The following CHST12 variants were observed in gnomAD, a reference collection of about 807,000 sequenced individuals.
CHST12 encodes the protein carbohydrate (chondroitin 4) sulfotransferase 12.
A neutral mutation model predicts 27.9 loss-of-function variants in CHST12; 23 were observed. The ratio of observed to expected loss-of-function variants is 0.82; its 90% CI spans 0.59 to 1.17. The LOEUF is 1.17. Ranked by LOEUF, CHST12 falls within the 50% of genes most tolerant of loss-of-function variation. CHST12 has a pLI of 0.00. For missense variants in CHST12, 682 were observed against 603.0 expected (o/e 1.13, Z -1.37); for synonymous variants, 322 against 273.0 (o/e 1.18, Z -1.77).
rs912721600 is a variant in CHST12 at position 2,438,041 on chromosome 7, T to C, written c.*4157T>C. On this transcript the variant is annotated 3_prime_UTR_variant, in exon 2 of 2. Transcript: ENST00000618655. ...CCATCTGAGCTGGAAGCTGTGGACA[T>C]GGTCCTTGTGTGGGTCCAAGCAAAG... 2.0e-5 allele frequency: 3 copies of C among 152,310 alleles called. No homozygotes were observed. Among genetic ancestry groups the C allele is most frequent in the Non-Finnish European group, 4.4e-5 (3 of 68,112 alleles). 9.4% of individuals were successfully genotyped at this position (152,310 alleles called of 1,614,324 possible).
rs974418280 is a variant in CHST12, at chr7:2,436,624, A to G, written c.*2740A>G. Reference sequence around the variant, plus strand: ...AGGGCTTGTTTTCCGTATTCTGGGCATGGCCCTTTGTGTCTGCCTTTGCTG... The same window carrying G: ...AGGGCTTGTTTTCCGTATTCTGGGCGTGGCCCTTTGTGTCTGCCTTTGCTG... On this transcript the variant is annotated 3_prime_UTR_variant, in exon 2 of 2. Transcript: ENST00000618655. 2 of 152,250 alleles carry G rather than the reference A, an allele frequency of 1.3e-5. No homozygotes were observed. Among genetic ancestry groups the G allele is most frequent in the African/African-American group, 4.8e-5 (2 of 41,436 alleles). 9.4% of individuals were successfully genotyped at this position (152,250 alleles called of 1,614,324 possible).
intron 1 of CHST12, among the ~76,000 whole-genome samples, chr7:2,419,226 TGG>T (rs1446506820): frequency 6.6e-6 from 1 of 152,052 alleles, no homozygotes; most frequent in Non-Finnish European, 1.5e-5. Flanking sequence ...CTGGTCAACA[TGG>T]TGAAACCCCA....
intron 1 of CHST12, among the ~76,000 whole-genome samples, chr7:2,412,081 T>C (rs1367884409): frequency 3.3e-5 from 5 of 152,218 alleles, no homozygotes; most frequent in African/African-American, 4.8e-5. Flanking sequence ...GTTACTTTAC[T>C]TCAAAGGCTA....
chr7:2,428,082 C>T (rs1289547640), intron 1 of CHST12, among the ~76,000 whole-genome samples: 2 of 152,010 alleles, frequency 1.3e-5, no homozygotes, highest in Non-Finnish European at 2.9e-5. Flanking sequence ...GGGTTACAGG[C>T]GTGAGTCACT....
In CHST12 at chr7:2,440,493, G is replaced by T. The variant is rs576162002; in HGVS notation, c.*6609G>T. Reference sequence around the variant, plus strand: ...TGTTTGACCTGAACTCTGAAAGGCAGAGGGTCCCAGACTTTCCTGGGATGA... The same window carrying T: ...TGTTTGACCTGAACTCTGAAAGGCATAGGGTCCCAGACTTTCCTGGGATGA... On this transcript the variant is annotated 3_prime_UTR_variant, in exon 2 of 2. Transcript: ENST00000618655. The T allele has an allele frequency of 3.1e-4, 48 of 152,588 alleles. No individual in the cohort carries two copies. Among genetic ancestry groups the T allele is most frequent in the African/African-American group, 1.1e-3 (47 of 41,576 alleles). 9.5% of individuals were successfully genotyped at this position (152,588 alleles called of 1,614,324 possible).
chr7:2,403,769 G>A (rs1583202451), intron 1 of CHST12, 96 bp downstream of exon 1: 1 of 152,664 alleles, frequency 6.6e-6, no homozygotes, highest in African/African-American at 2.4e-5. Context: ...CCCGGGCCGC[G>A]CTGAGGGGCG....
chr7:2,422,785 C>T (rs536112952), intron 1 of CHST12, among the ~76,000 whole-genome samples: 1 of 152,060 alleles, frequency 6.6e-6, no homozygotes, highest in East Asian at 1.9e-4. Flanking sequence ...CCACCTGCCT[C>T]GGCTTCCCAA....
At chr7:2,406,490 C>A in intron 1 of CHST12, among the ~76,000 whole-genome samples, 6 of 23,580 alleles carry the variant, frequency 2.5e-4, no homozygotes, top group African/African-American at 1.2e-3. Flanking sequence ...GGGGTGGGGG[C>A]ACAGTTGAGT....
chr7:2,426,452 A>G (rs1203660209), intron 1 of CHST12, among the ~76,000 whole-genome samples: 2 of 152,258 alleles, frequency 1.3e-5, no homozygotes, highest in Admixed American at 6.5e-5. Context: ...TGCTGATGGG[A>G]CCTATGGAGA....
Position 2,439,326 on chromosome 7 carries a change from G to T in CHST12, c.*5442G>T, listed in dbSNP as rs967863667. 3 of 152,112 alleles carry T rather than the reference G, an allele frequency of 2.0e-5. No individual in the cohort carries two copies. Among genetic ancestry groups the T allele is most frequent in the Non-Finnish European group, 4.4e-5 (3 of 68,036 alleles). The allele number at this position is 152,112 out of a possible 1,614,324, so 9.4% of individuals were successfully genotyped here. On this transcript the variant is annotated 3_prime_UTR_variant, in exon 2 of 2. Coordinates refer to ENST00000618655, the MANE Select transcript of CHST12 (RefSeq NM_018641.5). ...TGTTCTTACTCTGCCAGGACCCAGG[G>T]ATAGGTGAGGCTCTCCTATTGGGAT...
At position 2,429,851 on chromosome 7, in the gene CHST12, C is replaced by T. The variant is rs186082440; in HGVS notation, c.-77-2712C>T. Among the ~76,000 whole-genome samples the T allele has an allele frequency of 1.2e-4, 18 of 151,964 alleles. No homozygotes were observed. The East Asian group carries it at 2.5e-3, about 21-fold the overall frequency. On this transcript the variant is annotated intron_variant, in intron 1 of 1. Transcript: ENST00000618655. ...AGGCTGGAGGGCAGTGGCACGATCT[C>T]GGCTTACTGCAGCCTTGACCTCCTG...
At chr7:2,414,007 G>A (rs927258095) in intron 1 of CHST12, among the ~76,000 whole-genome samples, 4 of 152,180 alleles carry the variant, frequency 2.6e-5, no homozygotes, top group African/African-American at 7.2e-5. Flanking sequence ...GGGATTACGG[G>A]CATGAGCCAC....
rs762513193 is a variant in CHST12, at chr7:2,446,598, G to A, written c.*12714G>A. The A allele has an allele frequency of 6.5e-6, 1 of 152,926 alleles. No individual in the cohort carries two copies. Among genetic ancestry groups the A allele is most frequent in the Non-Finnish European group, 1.5e-5 (1 of 68,204 alleles). The allele number at this position is 152,926 out of a possible 1,614,324, so 9.5% of individuals were successfully genotyped here. ...CGTTCCTTACCTGCCATGAGAATGA[G>A]ATGTCCAGGGACCTCCCTGCTCCAG... On this transcript the variant is annotated 3_prime_UTR_variant, in exon 2 of 2. Coordinates refer to ENST00000618655, the MANE Select transcript of CHST12 (RefSeq NM_018641.5).
intron 1 of CHST12, among the ~76,000 whole-genome samples, chr7:2,416,974 G>A (rs537862631): frequency 8.5e-4 from 130 of 152,212 alleles, no homozygotes; most frequent in Admixed American, 2.2e-3. Context: ...TTTCTTTTGC[G>A]TAACTTGGTT....
At chr7:2,432,344 C>T (rs373435982) in intron 1 of CHST12, among the ~76,000 whole-genome samples, 116 of 152,034 alleles carry the variant, frequency 7.6e-4, no homozygotes, top group African/African-American at 2.7e-3. Flanking sequence ...GGGAAGCACG[C>T]GAGCCTTGGC....
intron 1 of CHST12, among the ~76,000 whole-genome samples, chr7:2,405,061 T>C (rs907877209): frequency 6.6e-6 from 1 of 152,166 alleles, no homozygotes; most frequent in Non-Finnish European, 1.5e-5. Context: ...GCAAAGGGCA[T>C]GCAGAGATGT....
chr7:2,423,399 G>A (rs1782026596), intron 1 of CHST12, among the ~76,000 whole-genome samples: 1 of 152,198 alleles, frequency 6.6e-6, no homozygotes, highest in Non-Finnish European at 1.5e-5. Context: ...ACACTGGGAG[G>A]GCAGGTGAGG....
At chr7:2,419,037 A>C (rs1033180258) in intron 1 of CHST12, among the ~76,000 whole-genome samples, 2 of 152,130 alleles carry the variant, frequency 1.3e-5, no homozygotes, top group Non-Finnish European at 1.5e-5. Context: ...GGCTCAAGCA[A>C]TCCCCCTGCC....
chr7:2,427,879 C>T (rs1423920890), intron 1 of CHST12, among the ~76,000 whole-genome samples: 4 of 151,910 alleles, frequency 2.6e-5, no homozygotes, highest in East Asian at 1.9e-4. Context: ...TGCAGTGGTG[C>T]GATCTCGGCT....
Sources: gnomAD v4.1 joint callset for allele counts (sites outside exome capture counted in the v4.1 genomes callset) on GRCh38, gnomAD v4.1.1 for gene constraint, MANE v1.5 for transcripts, NCBI Gene and HGNC (gene_info 2026-07-23, HGNC 2026-07-21) for gene names.